Variants in BRWD1 observed in about 807,000 individuals in gnomAD.
The protein encoded by BRWD1 is bromodomain and WD repeat-containing protein 1.
BRWD1 carries 82 observed loss-of-function variants against 251.2 expected under a neutral mutation model. The observed-to-expected ratio is 0.33, with a 90% CI of 0.27 to 0.39. The LOEUF (loss-of-function observed/expected upper bound fraction) is 0.39, where lower values mean the gene tolerates loss of function less well. BRWD1 is among the 10% of genes least tolerant of loss of function. BRWD1 has a pLI of 1.00. For missense variants in BRWD1, 2,233 were observed against 2,711.6 expected (o/e 0.82, Z 3.92); for synonymous variants, 918 against 902.8 (o/e 1.02, Z -0.30).
chr21:39,296,067 C>A (rs965057560), intron 6 of BRWD1, among the ~76,000 whole-genome samples, 164 bp from the exon 7 acceptor site: 6 of 152,134 alleles, frequency 3.9e-5, no homozygotes, highest in Non-Finnish European at 8.8e-5. Flanking sequence ...GTAACATAGA[C>A]TTCTTACTAT....
At chr21:39,276,880 T>A (rs1173557564) in intron 11 of BRWD1, among the ~76,000 whole-genome samples, 2 of 152,202 alleles carry the variant, frequency 1.3e-5, no homozygotes, top group Non-Finnish European at 2.9e-5. Flanking sequence ...GAGTTGCCAG[T>A]GACATACCTC....
At chr21:39,263,083 G>T (rs8131091) in intron 17 of BRWD1, among the ~76,000 whole-genome samples, 4 of 152,118 alleles carry the variant, frequency 2.6e-5, no homozygotes, top group African/African-American at 4.8e-5. Context: ...CCAGCCTGGG[G>T]AAACGAGTAA....
At chr21:39,253,993 G>A (rs2034481543) in intron 19 of BRWD1, among the ~76,000 whole-genome samples, 1 of 152,188 alleles carries the variant, frequency 6.6e-6, no homozygotes, top group Non-Finnish European at 1.5e-5. Flanking sequence ...TAGGCTGGGC[G>A]TAGTGGCTCA....
intron 4 of BRWD1, among the ~76,000 whole-genome samples, chr21:39,307,815 T>C (rs985952470): frequency 1.3e-5 from 2 of 152,212 alleles, no homozygotes; most frequent in South Asian, 4.1e-4. Context: ...ACAGTGGAAC[T>C]CTAAAAGACC....
At chr21:39,319,277 T>G (rs1366504021) in intron 1 of BRWD1, among the ~76,000 whole-genome samples, 1 of 152,190 alleles carries the variant, frequency 6.6e-6, no homozygotes, top group Non-Finnish European at 1.5e-5. Flanking sequence ...CTCAGCAAAT[T>G]GTTTCCACAT....
chr21:39,302,738 G>C, intron 4 of BRWD1, among the ~76,000 whole-genome samples: 1 of 128,166 alleles, frequency 7.8e-6, no homozygotes, highest in African/African-American at 3.1e-5. Flanking sequence ...CTAGGTGACA[G>C]AGTGAGACTC....
chr21:39,199,696 T>A lies in BRWD1; in HGVS notation c.4754-34A>T, dbSNP rs557097742. 8 of 1,501,694 alleles carry A rather than the reference T, an allele frequency of 5.3e-6. No homozygotes were observed. The East Asian group carries it at 1.8e-4, about 34-fold the overall frequency. 93.0% of individuals were successfully genotyped at this position (1,501,694 alleles called of 1,614,324 possible). ...AAGGTTAACAATAAGATTAAAAAGA[T>A]TTTCCTTATTTCAACATTTTTAAAT... On this transcript the variant is annotated intron_variant, in intron 39 of 40. Transcript: ENST00000342449.
intron 4 of BRWD1, among the ~76,000 whole-genome samples, chr21:39,305,227 G>T (rs78435584): frequency 6.6e-6 from 1 of 152,042 alleles, no homozygotes; most frequent in East Asian, 1.9e-4. Flanking sequence ...CTAAAGTGTT[G>T]GGATTACATG....
Position 39,296,355 on chromosome 21 carries a change from G to A in BRWD1, c.358C>T (p.His120Tyr). 6.4e-7 allele frequency: 1 copy of A among 1,566,112 alleles called. No individual in the cohort carries two copies. The highest frequency in any genetic ancestry group is 8.6e-7 in the Non-Finnish European group (1 of 1,161,788). ...AAGGCAGAGCCCTTCCAAACTGTGT[G>A]CCTGCAGTCTTTAAAATGAATTTTA... ...SLLRTAKDCR[H>Y]TVWKGSAFAA... Residue 120 changes from histidine to tyrosine, a missense_variant, in exon 6 of 41, where the codon CAC becomes TAC. Coordinates refer to ENST00000342449, the MANE Select transcript of BRWD1 (RefSeq NM_033656.4).
chr21:39,227,133 G>A (rs552460354), intron 27 of BRWD1, among the ~76,000 whole-genome samples: 2 of 152,262 alleles, frequency 1.3e-5, no homozygotes, highest in African/African-American at 4.8e-5. Context: ...TTCAGCCCGG[G>A]CAACAGAGCA....
intron 4 of BRWD1, among the ~76,000 whole-genome samples, chr21:39,302,908 A>G (rs1487782807): frequency 6.6e-6 from 1 of 151,798 alleles, no homozygotes; most frequent in Non-Finnish European, 1.5e-5. Context: ...AAAAATACAG[A>G]AAGTAGCTGG....
rs1397900145 is a variant in BRWD1, at chr21:39,185,530, A to G, written c.*10729T>C. On this transcript the variant is annotated 3_prime_UTR_variant, in exon 41 of 41. Transcript: ENST00000342449. ...GAATTCTTCCCTTTCTCACCTGTGT[A>G]TCAACATATTGGGGATCAGTAATTT... 1 of 137,412 alleles carries G rather than the reference A, an allele frequency of 7.3e-6. No individual in the cohort carries two copies. The highest frequency in any genetic ancestry group is 1.9e-4 in the East Asian group (1 of 5,176). The allele number at this position is 137,412 out of a possible 1,614,324, so 8.5% of individuals were successfully genotyped here.
chr21:39,306,415 T>C (rs1410950930), intron 4 of BRWD1, among the ~76,000 whole-genome samples: 2 of 152,114 alleles, frequency 1.3e-5, no homozygotes, highest in African/African-American at 2.4e-5. Flanking sequence ...GTCAAATCCA[T>C]GTTATTTAAT....
intron 12 of BRWD1, among the ~76,000 whole-genome samples, chr21:39,275,065 G>T (rs1322313930): frequency 1.3e-5 from 2 of 150,534 alleles, no homozygotes; most frequent in African/African-American, 4.9e-5. Context: ...AATTAAATAA[G>T]AATGCCAAGA....
At chr21:39,233,269 C>T (rs2033688335) in intron 23 of BRWD1, among the ~76,000 whole-genome samples, 1 of 152,172 alleles carries the variant, frequency 6.6e-6, no homozygotes, top group Non-Finnish European at 1.5e-5. Flanking sequence ...ATGTTGTAAC[C>T]TCATGAGCCA....
chr21:39,184,900 C>A (rs1478590820), downstream of BRWD1: 2 of 152,068 alleles, frequency 1.3e-5, no homozygotes. Flanking sequence ...TGTTTGGGCA[C>A]CACTTGTCTT....
intron 15 of BRWD1, among the ~76,000 whole-genome samples, chr21:39,265,662 T>A (rs1249172710): frequency 6.6e-6 from 1 of 152,220 alleles, no homozygotes; most frequent in Admixed American, 6.5e-5. Context: ...AATAAAAGGA[T>A]AATAAGCTAC....
chr21:39,203,452 T>TG lies in BRWD1; in HGVS notation c.4365-908_4365-907insC, dbSNP rs1266703924. Among the ~76,000 whole-genome samples, 151 of 140,346 alleles carry TG rather than the reference T, an allele frequency of 1.1e-3. 1 individual carries two copies. Among genetic ancestry groups the TG allele is most frequent in the African/African-American group, 3.6e-3 (131 of 36,824 alleles). The allele number at this position is 140,346 out of a possible 152,430, so 92.1% of individuals were successfully genotyped here. ...AGACCCTGGTTCTTTTTTTTTTTTT[T>TG]TTTTTTTTTTGAGACAGAGTCTCTG... On this transcript the variant is annotated intron_variant, in intron 37 of 40. Coordinates refer to ENST00000342449, the MANE Select transcript of BRWD1 (RefSeq NM_033656.4).
chr21:39,230,376 C>T (rs1197599152), intron 25 of BRWD1, among the ~76,000 whole-genome samples: 5 of 152,262 alleles, frequency 3.3e-5, no homozygotes, highest in Middle Eastern at 3.4e-3. Flanking sequence ...ATGTACCAAA[C>T]AAAGTGCTAA....
Sources: allele counts gnomAD v4.1 joint callset (sites outside exome capture counted in the v4.1 genomes callset), GRCh38; gene constraint gnomAD v4.1.1; transcripts MANE v1.5; gene names NCBI Gene and HGNC (gene_info 2026-07-23, HGNC 2026-07-21).